Variants in DPF3 observed in about 807,000 individuals in gnomAD.
DPF3 encodes the protein double PHD fingers 3.
Under a neutral mutation model 56.8 loss-of-function variants are expected in DPF3, and 18 were observed. The observed-to-expected ratio is 0.32, with a 90% CI of 0.22 to 0.47. The LOEUF (loss-of-function observed/expected upper bound fraction) is 0.47. Ranked by LOEUF, DPF3 falls within the 20% of genes least tolerant of loss-of-function variation. The pLI is 1.00. For missense variants in DPF3, 403 were observed against 488.8 expected, an observed-to-expected ratio of 0.82 and a Z score of 1.65; for synonymous variants, 188 against 180.2, an observed-to-expected ratio of 1.04 and a Z score of -0.35.
At chr14:72,670,405 T>TGGA (rs1369303290) in intron 8 of DPF3, 5 of 985,806 alleles carry the variant, frequency 5.1e-6, no homozygotes, top group Non-Finnish European at 6.0e-6. Flanking sequence ...GGCCCAGGTG[T>TGGA]GGAGGGAGGC....
At chr14:72,893,642 G>A (rs1886866421) in intron 1 of DPF3, among the ~76,000 whole-genome samples, 2 of 151,792 alleles carry the variant, frequency 1.3e-5, no homozygotes, top group Admixed American at 6.6e-5. Context: ...CAAGTACACC[G>A]AGGCGGCCAC....
At chr14:72,718,295 C>T (rs1430272240) in intron 5 of DPF3, among the ~76,000 whole-genome samples, 2 of 152,194 alleles carry the variant, frequency 1.3e-5, no homozygotes, top group Non-Finnish European at 2.9e-5. Context: ...AGCTGAAAGA[C>T]CCTTGACTAG....
chr14:72,863,770 A>G (rs1270577275), intron 1 of DPF3, among the ~76,000 whole-genome samples: 2 of 152,190 alleles, frequency 1.3e-5, no homozygotes, highest in African/African-American at 4.8e-5. Flanking sequence ...AGTGGCTAGC[A>G]TAGACACAGC....
chr14:72,816,355 G>A lies in DPF3; in HGVS notation c.33-44462C>T, dbSNP rs142653058. ...TATTCATCAGCATTCTTACACTTAC[G>A]TTATGTTATCTGGCCTTCTCCATCG... On this transcript the variant is annotated intron_variant, in intron 1 of 10. Transcript: ENST00000556509. Among the ~76,000 whole-genome samples the A allele has an allele frequency of 4.7e-3, 716 of 152,234 alleles. 5 individuals carry two copies. The highest frequency in any genetic ancestry group is 0.031 in the Middle Eastern group (9 of 294).
intron 1 of DPF3, among the ~76,000 whole-genome samples, chr14:72,838,908 CTTTTTTT>C (rs376458640): frequency 1.3e-4 from 10 of 78,586 alleles, no homozygotes; most frequent in Middle Eastern, 8.8e-3. Context: ...CATATATATT[CTTTTTTT>C]TTTTTTTTTT....
intron 1 of DPF3, among the ~76,000 whole-genome samples, chr14:72,804,289 C>G (rs1893004326): frequency 6.6e-6 from 1 of 151,926 alleles, no homozygotes; most frequent in Non-Finnish European, 1.5e-5. Flanking sequence ...ATCCCATCAT[C>G]CTGTGACAGT....
chr14:72,871,875 C>T (rs1012798522), intron 1 of DPF3, among the ~76,000 whole-genome samples: 1 of 152,204 alleles, frequency 6.6e-6, no homozygotes, highest in Non-Finnish European at 1.5e-5. Flanking sequence ...GGCAGTGCCC[C>T]AGTAGGGACT....
At chr14:72,718,415 G>T (rs1413468755) in intron 5 of DPF3, among the ~76,000 whole-genome samples, 3 of 152,186 alleles carry the variant, frequency 2.0e-5, no homozygotes, top group Non-Finnish European at 4.4e-5. Context: ...GGACTCTGCA[G>T]TGTCTGAACT....
At chr14:72,892,093 G>A in intron 1 of DPF3, 1 of 1,487,514 alleles carries the variant, frequency 6.7e-7, no homozygotes, top group Admixed American at 2.2e-5. Context: ...GCCCGCCCGC[G>A]CGAAAGCGGG....
At chr14:72,774,615 G>A (rs1024957931) in intron 1 of DPF3, among the ~76,000 whole-genome samples, 2 of 152,060 alleles carry the variant, frequency 1.3e-5, no homozygotes, top group African/African-American at 4.8e-5. Context: ...ATTACTTGTT[G>A]ACAAGCATCC....
At chr14:72,630,677 T>C (rs1347278016) in intron 8 of DPF3, among the ~76,000 whole-genome samples, 1 of 152,144 alleles carries the variant, frequency 6.6e-6, no homozygotes, top group East Asian at 1.9e-4. Context: ...CATTCCCAAG[T>C]CGCCCAGTAC....
In DPF3 at chr14:72,619,001, C is replaced by A. The variant is rs928830878; in HGVS notation, c.*296G>T. 7.2e-5 allele frequency among the ~76,000 whole-genome samples: 11 copies of A among 152,172 alleles called. No individual in the cohort carries two copies. Among genetic ancestry groups the A allele is most frequent in the African/African-American group, 2.7e-4 (11 of 41,434 alleles). On this transcript the variant is annotated 3_prime_UTR_variant, in exon 11 of 11. Transcript: ENST00000556509. ...CTTAAAATGGGAACCAATGAGAGGGCCTCGGTGCTAGGGTAAAAGTGAGAG... is the reference window on the plus strand; with the variant it reads ...CTTAAAATGGGAACCAATGAGAGGGACTCGGTGCTAGGGTAAAAGTGAGAG...
At chr14:72,814,589 C>T (rs981090860) in intron 1 of DPF3, among the ~76,000 whole-genome samples, 25 of 152,078 alleles carry the variant, frequency 1.6e-4, no homozygotes, top group Admixed American at 1.3e-3. Context: ...CTGAAGCAGA[C>T]GGATCTCTTG....
intron 2 of DPF3, among the ~76,000 whole-genome samples, chr14:72,757,098 GGAGA>G (rs1413426405): frequency 1.6e-5 from 2 of 126,670 alleles, no homozygotes; most frequent in Admixed American, 7.6e-5. Context: ...AGGGAGGAAG[GGAGA>G]GAGGGAGGGA....
At chr14:72,695,638 C>T (rs1056132408) in intron 6 of DPF3, among the ~76,000 whole-genome samples, 14 of 152,044 alleles carry the variant, frequency 9.2e-5, no homozygotes. Context: ...ACGGAATATC[C>T]TGAACACTGG....
At chr14:72,649,181 T>C (rs1317091947) in intron 8 of DPF3, among the ~76,000 whole-genome samples, 2 of 152,190 alleles carry the variant, frequency 1.3e-5, no homozygotes, top group Non-Finnish European at 2.9e-5. Flanking sequence ...CTTGTCATGG[T>C]GGTTGGGAAC....
At chr14:72,822,391 AT>A (rs1413724597) in intron 1 of DPF3, among the ~76,000 whole-genome samples, 2 of 152,192 alleles carry the variant, frequency 1.3e-5, no homozygotes, top group African/African-American at 4.8e-5. Context: ...TCTCAAAAAA[AT>A]AAAATAAAAT....
At chr14:72,765,592 T>C (rs992278331) in intron 2 of DPF3, among the ~76,000 whole-genome samples, 2 of 152,180 alleles carry the variant, frequency 1.3e-5, no homozygotes, top group African/African-American at 2.4e-5. Flanking sequence ...GAATTATTGA[T>C]ATAGTATTAA....
intron 1 of DPF3, among the ~76,000 whole-genome samples, chr14:72,789,952 T>C (rs775627165): frequency 5.9e-5 from 9 of 151,840 alleles, no homozygotes; most frequent in Admixed American, 3.9e-4. Context: ...ATGCCAACTA[T>C]CAAAAATTAT....
Sources: gnomAD v4.1 joint callset for allele counts (sites outside exome capture counted in the v4.1 genomes callset) on GRCh38, gnomAD v4.1.1 for gene constraint, MANE v1.5 for transcripts, NCBI Gene and HGNC (gene_info 2026-07-23, HGNC 2026-07-21) for gene names.